ASH1L: variants seen among roughly 807,000 people sequenced by gnomAD.
The protein encoded by ASH1L is ASH1 like histone lysine methyltransferase, also known as histone-lysine N-methyltransferase ASH1L.
Under a neutral mutation model 269.0 loss-of-function variants are expected in ASH1L, and 23 were observed. The observed-to-expected ratio is 0.09, with a 90% CI of 0.06 to 0.12. The LOEUF (loss-of-function observed/expected upper bound fraction) is 0.12. ASH1L is among the 10% of genes least tolerant of loss of function. The pLI is 1.00. For missense variants in ASH1L, 2,912 were observed against 3,567.8 expected, an observed-to-expected ratio of 0.82 and a Z score of 4.68; for synonymous variants, 1,187 against 1,253.5, an observed-to-expected ratio of 0.95 and a Z score of 1.12.
At chr1:155,497,494 G>A (rs1667227098) in intron 2 of ASH1L, among the ~76,000 whole-genome samples, 1 of 152,138 alleles carries the variant, frequency 6.6e-6, no homozygotes, top group Non-Finnish European at 1.5e-5. Context: ...AACGAACAGT[G>A]TAAATATTTC....
chr1:155,416,012 ATT>A, intron 5 of ASH1L, 89 bp from the exon 6 acceptor site: 4 of 1,153,286 alleles, frequency 3.5e-6, no homozygotes, highest in South Asian at 1.9e-5. Context: ...AACCATAGCA[ATT>A]AAAAAAAGAG....
In ASH1L at chr1:155,376,965, T is replaced by C. The variant is rs188608544; in HGVS notation, c.6332+1316A>G. On this transcript the variant is annotated intron_variant, in intron 10 of 27. Coordinates refer to ENST00000392403, the MANE Select transcript of ASH1L (RefSeq NM_018489.3). ...TCTTGTTGCCCAGGCTGGAGTGCAA[T>C]GGCAGGACCTTGGCTCACTGCAACC... 6.8e-3 allele frequency among the ~76,000 whole-genome samples: 1,019 copies of C among 150,246 alleles called. 17 individuals carry two copies. Among genetic ancestry groups the C allele is most frequent in the African/African-American group, 0.024 (983 of 41,082 alleles).
rs1440742645 is a variant in ASH1L at position 155,438,755 on chromosome 1, C to T, written c.5400G>A (p.Val1800=). Residue 1800 remains valine, a synonymous_variant, in exon 5 of 28, where the codon GTG becomes GTA. Transcript: ENST00000392403. ...CSPHHIKRSV[V]EAMQRQARKM... The stretch of plus-strand genomic sequence containing the variant: ...TCCGAGCTTGGCGTTGCATAGCTTC[C>T]ACTACACTTCTCTTGATATGATGGG... 4 of 1,614,152 alleles carry T rather than the reference C, an allele frequency of 2.5e-6. No homozygotes were observed. The highest frequency in any genetic ancestry group is 3.3e-4 in the Middle Eastern group (2 of 6,062).
intron 7 of ASH1L, among the ~76,000 whole-genome samples, chr1:155,390,318 T>C (rs72704165): frequency 0.025 from 3,774 of 152,290 alleles, 81 homozygotes; most frequent in South Asian, 0.053. Flanking sequence ...CTGAATAGTC[T>C]AGATCTTTTA....
intron 2 of ASH1L, among the ~76,000 whole-genome samples, chr1:155,508,981 G>T (rs1422459684): frequency 6.6e-6 from 1 of 151,950 alleles, no homozygotes; most frequent in Non-Finnish European, 1.5e-5. Flanking sequence ...TCTCAAAGTA[G>T]TCATCATCAA....
chr1:155,435,716 G>T (rs748286268), intron 5 of ASH1L, among the ~76,000 whole-genome samples: 1 of 151,496 alleles, frequency 6.6e-6, no homozygotes, highest in Non-Finnish European at 1.5e-5. Flanking sequence ...ATTAAGAAAA[G>T]CCATTTATAA....
intron 2 of ASH1L, among the ~76,000 whole-genome samples, chr1:155,517,325 C>A (rs1312360310): frequency 6.6e-6 from 1 of 151,860 alleles, no homozygotes; most frequent in Non-Finnish European, 1.5e-5. Context: ...GGAGCAAGAC[C>A]CTCTCTCTTT....
At chr1:155,562,944 C>A (rs958363129), upstream of ASH1L, 2 of 451,212 alleles carry the variant, frequency 4.4e-6, no homozygotes, top group Non-Finnish European at 8.9e-6. Flanking sequence ...CTCCCACAAT[C>A]CCCCCCGCGG....
At chr1:155,505,431 T>C (rs1248142303) in intron 2 of ASH1L, among the ~76,000 whole-genome samples, 1 of 152,136 alleles carries the variant, frequency 6.6e-6, no homozygotes, top group Non-Finnish European at 1.5e-5. Flanking sequence ...TTACAGCACG[T>C]GGAAAAACAA....
rs776983870 is a variant in ASH1L at position 155,481,881 on chromosome 1, G to C, written c.989C>G (p.Thr330Arg). ...NLGKKPGTIT[T>R]VGLLSKDSGK... ...TGAATCTTTGCTTAGCAGTCCTACT[G>C]TAGTGATAGTTCCTGGCTTTTTGCC... The change falls in exon 3 of 28, where the codon ACA (threonine) becomes AGA (arginine). Residue 330 changes from threonine (T) to arginine (R), a missense_variant. Transcript: ENST00000392403. 6.2e-7 allele frequency: 1 copy of C among 1,614,188 alleles called. No individual in the cohort carries two copies. Among genetic ancestry groups the C allele is most frequent in the South Asian group, 1.1e-5 (1 of 91,084 alleles).
Position 155,479,478 on chromosome 1 carries a change from C to T in ASH1L, c.3392G>A (p.Ser1131Asn). 6.2e-7 allele frequency: 1 copy of T among 1,614,164 alleles called. No individual in the cohort carries two copies. The highest frequency in any genetic ancestry group is 8.5e-7 in the Non-Finnish European group (1 of 1,180,024). The change falls in exon 3 of 28, where the codon AGT (serine) becomes AAT (asparagine). Residue 1131 changes from serine to asparagine, a missense_variant. This residue lies in a region of ASH1L where 157 missense variants were observed against 154.6 expected (regional missense o/e 1.02). Transcript: ENST00000392403. ...GTGTAAATGCAAATATGGCACTGAA[C>T]TGGGTTCAACAAAACCTGCATCACT... is the stretch of plus-strand genomic sequence containing the variant. ...VSSDAGFVEP[S>N]SVPYLHLHSR...
intron 1 of ASH1L, among the ~76,000 whole-genome samples, chr1:155,551,249 A>C (rs971714329): frequency 3.3e-5 from 5 of 152,232 alleles, no homozygotes; most frequent in African/African-American, 1.2e-4. Flanking sequence ...TGCCTGGATG[A>C]AACATAGGCA....
intron 21 of ASH1L, chr1:155,346,080 C>A: frequency 1.9e-6 from 2 of 1,043,148 alleles, no homozygotes; most frequent in Non-Finnish European, 2.6e-6. Flanking sequence ...GCAATCCATC[C>A]GCCTTAGCCT....
At chr1:155,436,446 C>G (rs181147124) in intron 5 of ASH1L, among the ~76,000 whole-genome samples, 2 of 151,464 alleles carry the variant, frequency 1.3e-5, no homozygotes, top group East Asian at 3.9e-4. Context: ...GCTGCCTCAG[C>G]CTCCCAAAGT....
chr1:155,458,884 TA>T (rs111537079), intron 4 of ASH1L, among the ~76,000 whole-genome samples: 5 of 151,550 alleles, frequency 3.3e-5, no homozygotes, highest in African/African-American at 4.9e-5. Flanking sequence ...ATTAATACAT[TA>T]AAAAAATTAT....
chr1:155,434,007 T>C lies in ASH1L; in HGVS notation c.5828+4320A>G, dbSNP rs1571205413. ...GGGCTCGAGAAGGATGTGGTCCGAG[T>C]GTGGTTCTGTAACCGGTGCCAGAAA... On this transcript the variant is annotated intron_variant, in intron 5 of 27. Coordinates refer to ENST00000392403, the MANE Select transcript of ASH1L (RefSeq NM_018489.3). 3.1e-6 allele frequency: 5 copies of C among 1,588,684 alleles called. No individual in the cohort carries two copies. The East Asian group carries it at 1.1e-4, about 36-fold the overall frequency.
At chr1:155,377,819 A>C (rs1656589918) in intron 10 of ASH1L, among the ~76,000 whole-genome samples, 1 of 152,078 alleles carries the variant, frequency 6.6e-6, no homozygotes, top group Admixed American at 6.6e-5. Context: ...GGTCAGATTG[A>C]GATCATCCTG....
At chr1:155,395,615 T>C in intron 6 of ASH1L, 62 bp from the exon 7 acceptor site, 1 of 1,179,632 alleles carries the variant, frequency 8.5e-7, no homozygotes, top group Non-Finnish European at 1.2e-6. Context: ...TGTGGTCAAA[T>C]ACAGATAACA....
intron 4 of ASH1L, among the ~76,000 whole-genome samples, chr1:155,451,882 G>A (rs939050936): frequency 1.1e-4 from 17 of 151,704 alleles, no homozygotes; most frequent in South Asian, 6.3e-4. Flanking sequence ...CACCATGGCC[G>A]GCTAATTTTT....
Sources: allele counts gnomAD v4.1 joint callset (sites outside exome capture counted in the v4.1 genomes callset), GRCh38; gene constraint gnomAD v4.1.1; regional missense constraint gnomAD v4.1.1; transcripts MANE v1.5; gene names NCBI Gene and HGNC (gene_info 2026-07-23, HGNC 2026-07-21).